The following COL24A1 variants were observed in gnomAD, a reference collection of about 807,000 sequenced individuals.
The protein encoded by COL24A1 is collagen type XXIV alpha 1 chain.
COL24A1 carries 224 observed loss-of-function variants against 253.9 expected under a neutral mutation model. That is an observed-to-expected ratio of 0.88 (90% CI 0.79 to 0.99). The LOEUF (loss-of-function observed/expected upper bound fraction) is 0.99. COL24A1 is among the 50% of genes least tolerant of loss of function. The pLI, the probability that COL24A1 is intolerant of heterozygous loss-of-function variation, is 0.00. For synonymous variants in COL24A1, 685 were observed against 673.7 expected (o/e 1.02, Z -0.26); for missense variants, 2,131 against 2,068.5 (o/e 1.03, Z -0.59).
At chr1:86,112,512 C>G in intron 5 of COL24A1, 55 bp downstream of exon 5, 1 of 1,473,186 alleles carries the variant, frequency 6.8e-7, no homozygotes, top group East Asian at 2.3e-5. Flanking sequence ...TTTTTAATAT[C>G]AGGAAAATCA....
In COL24A1 at chr1:85,804,208, G is replaced by A. The variant is rs76744830; in HGVS notation, c.3951+12580C>T. Among the ~76,000 whole-genome samples, 1,146 of 152,220 alleles carry A rather than the reference G, an allele frequency of 7.5e-3. 28 individuals are homozygous for A. The highest frequency in any genetic ancestry group is 0.052 in the East Asian group (267 of 5,174). ...GAGGCAAAATACAAAAATGATGAAG[G>A]AGAGGAGTGGTCTATAAAAACAAAG... On this transcript the variant is annotated intron_variant, in intron 47 of 59. Transcript: ENST00000370571.
chr1:85,825,470 G>C (rs974331045), intron 43 of COL24A1, among the ~76,000 whole-genome samples: 7 of 152,252 alleles, frequency 4.6e-5, no homozygotes, highest in East Asian at 1.9e-4. Context: ...AATGATATTT[G>C]TAGTTCTAGA....
intron 5 of COL24A1, among the ~76,000 whole-genome samples, chr1:86,093,219 C>T (rs1329688825): frequency 6.6e-6 from 1 of 151,966 alleles, no homozygotes; most frequent in Non-Finnish European, 1.5e-5. Flanking sequence ...TCCTGCGTGT[C>T]CCCCAGTAAG....
intron 37 of COL24A1, among the ~76,000 whole-genome samples, chr1:85,861,031 G>T (rs1679089517): frequency 6.6e-6 from 1 of 152,158 alleles, no homozygotes. Flanking sequence ...AAGTGGAATT[G>T]CTGGGTCATA....
intron 20 of COL24A1, among the ~76,000 whole-genome samples, chr1:85,981,503 G>T (rs893952883): frequency 2.6e-5 from 4 of 152,068 alleles, no homozygotes; most frequent in Non-Finnish European, 4.4e-5. Context: ...CCTTAAGATG[G>T]ATCAAAGACT....
intron 32 of COL24A1, among the ~76,000 whole-genome samples, chr1:85,877,587 T>C (rs1433194946): frequency 6.6e-6 from 1 of 152,196 alleles, no homozygotes. Context: ...GGTCATGAAC[T>C]CCTGACCTCA....
intron 19 of COL24A1, among the ~76,000 whole-genome samples, 157 bp downstream of exon 19, chr1:86,016,994 G>A (rs1407101513): frequency 1.3e-5 from 2 of 152,004 alleles, no homozygotes; most frequent in Non-Finnish European, 2.9e-5. Flanking sequence ...TGCATACCTC[G>A]TGACATAACA....
At chr1:86,090,151 C>T (rs1213318222) in intron 6 of COL24A1, among the ~76,000 whole-genome samples, 3 of 152,136 alleles carry the variant, frequency 2.0e-5, no homozygotes. Context: ...TACCGATTAG[C>T]GCTACCTTTT....
intron 37 of COL24A1, among the ~76,000 whole-genome samples, chr1:85,861,149 C>A (rs12133414): frequency 0.13 from 19,849 of 152,096 alleles, 1,430 homozygotes; most frequent in South Asian, 0.17. Context: ...TTCTCTATAT[C>A]CTCATTAACA....
chr1:85,793,669 C>T (rs772247184), intron 47 of COL24A1, among the ~76,000 whole-genome samples: 2 of 152,066 alleles, frequency 1.3e-5, no homozygotes, highest in Admixed American at 6.6e-5. Context: ...CTGTTCCATA[C>T]CTATGGGATA....
intron 39 of COL24A1, 76 bp from the exon 40 acceptor site, chr1:85,842,469 G>A (rs2102259304): frequency 2.0e-6 from 2 of 1,002,062 alleles, no homozygotes; most frequent in Non-Finnish European, 3.0e-6. Context: ...TACTCCTATT[G>A]TTTAAATTGT....
intron 42 of COL24A1, among the ~76,000 whole-genome samples, chr1:85,840,425 T>A (rs577086333): frequency 1.3e-5 from 2 of 152,276 alleles, no homozygotes; most frequent in African/African-American, 4.8e-5. Flanking sequence ...TCTTGTCTAT[T>A]TCTAAAACAA....
At chr1:85,894,967 G>A (rs1274605050) in intron 31 of COL24A1, among the ~76,000 whole-genome samples, 1 of 151,974 alleles carries the variant, frequency 6.6e-6, no homozygotes, top group Non-Finnish European at 1.5e-5. Context: ...TCTGTCTCCC[G>A]AGCTGCAATC....
intron 28 of COL24A1, 86 bp downstream of exon 28, chr1:85,907,108 T>C (rs1684911404): frequency 1.9e-6 from 2 of 1,038,134 alleles, no homozygotes; most frequent in South Asian, 1.3e-5. Flanking sequence ...TTCTAGAAGG[T>C]ATGATGCTAT....
intron 19 of COL24A1, among the ~76,000 whole-genome samples, chr1:86,001,704 C>A (rs569048676): frequency 2.7e-4 from 41 of 152,070 alleles, no homozygotes; most frequent in African/African-American, 9.9e-4. Flanking sequence ...AAAAAAAGAG[C>A]ACACCGATTG....
At chr1:85,827,668 G>C (rs1366840362) in intron 43 of COL24A1, among the ~76,000 whole-genome samples, 1 of 151,872 alleles carries the variant, frequency 6.6e-6, no homozygotes, top group Admixed American at 6.6e-5. Context: ...TGTATGTGTC[G>C]AGGAATTTAT....
Position 86,102,864 on chromosome 1 carries a change from G to A in COL24A1, c.1599+9703C>T, listed in dbSNP as rs184872685. 7.8e-4 allele frequency among the ~76,000 whole-genome samples: 119 copies of A among 152,208 alleles called. 1 individual carries two copies. The highest frequency in any genetic ancestry group is 2.4e-3 in the African/African-American group (99 of 41,520). On this transcript the variant is annotated intron_variant, in intron 5 of 59. Transcript: ENST00000370571. Reference sequence around the variant, plus strand: ...GAAGAATGTATATTCTGTTGTTTTGGGTGGTGAGTTCTGTAGATGTCTATC... The same window carrying A: ...GAAGAATGTATATTCTGTTGTTTTGAGTGGTGAGTTCTGTAGATGTCTATC...
chr1:85,807,543 T>C (rs545788962), intron 47 of COL24A1, among the ~76,000 whole-genome samples: 4 of 152,280 alleles, frequency 2.6e-5, no homozygotes, highest in African/African-American at 7.2e-5. Flanking sequence ...ATAGGAGACA[T>C]AGGAATTGAA....
intron 39 of COL24A1, among the ~76,000 whole-genome samples, chr1:85,844,782 G>T (rs2102281606): frequency 6.6e-6 from 1 of 151,902 alleles, no homozygotes; most frequent in Admixed American, 6.6e-5. Context: ...TATTCCAGAA[G>T]ATACAAAATT....
Sources: gnomAD v4.1 joint callset for allele counts (sites outside exome capture counted in the v4.1 genomes callset) on GRCh38, gnomAD v4.1.1 for gene constraint, MANE v1.5 for transcripts, NCBI Gene and HGNC (gene_info 2026-07-23, HGNC 2026-07-21) for gene names.